ANP32A: variants seen among roughly 807,000 people sequenced by gnomAD.
The protein encoded by ANP32A is acidic leucine-rich nuclear phosphoprotein 32 family member A.
In ANP32A, 1 loss-of-function variant was observed where a neutral mutation model predicts 33.9. The observed-to-expected ratio is 0.03, with a 90% CI of 0.01 to 0.14. The LOEUF (loss-of-function observed/expected upper bound fraction) is 0.14. ANP32A is among the 10% of genes least tolerant of loss of function. ANP32A has a pLI of 1.00. For missense variants in ANP32A, 155 were observed against 306.0 expected, an observed-to-expected ratio of 0.51 and a Z score of 3.68; for synonymous variants, 115 against 120.5, an observed-to-expected ratio of 0.95 and a Z score of 0.30.
At chr15:68,790,750 C>G (rs959247910) in intron 1 of ANP32A, 1 of 152,130 alleles carries the variant, frequency 6.6e-6, no homozygotes, top group African/African-American at 2.4e-5. Flanking sequence ...TAGTGTTAGC[C>G]ACAAGATGAG....
intron 1 of ANP32A, among the ~76,000 whole-genome samples, chr15:68,819,496 G>A (rs1056215237): frequency 6.6e-6 from 1 of 152,240 alleles, no homozygotes; most frequent in Non-Finnish European, 1.5e-5. Context: ...CGGCTAGCGG[G>A]CAAACTCCCA....
chr15:68,787,731 C>G, intron 2 of ANP32A, 39 bp downstream of exon 2: 1 of 1,600,490 alleles, frequency 6.2e-7, no homozygotes, highest in South Asian at 1.1e-5. Flanking sequence ...CCACTCCCCA[C>G]CCCCGCCTCC....
At chr15:68,816,777 C>T (rs1333832125) in intron 1 of ANP32A, among the ~76,000 whole-genome samples, 4 of 152,114 alleles carry the variant, frequency 2.6e-5, no homozygotes, top group African/African-American at 9.7e-5. Context: ...GAATTCAAAC[C>T]CAGGTCTGTG....
chr15:68,815,620 G>A (rs1894370545), intron 1 of ANP32A, among the ~76,000 whole-genome samples: 1 of 152,142 alleles, frequency 6.6e-6, no homozygotes, highest in African/African-American at 2.4e-5. Context: ...CTGTGATTGG[G>A]GTGGAGCCCA....
intron 1 of ANP32A, chr15:68,790,293 T>G (rs994974111): frequency 3.9e-5 from 6 of 152,258 alleles, no homozygotes; most frequent in East Asian, 1.9e-4. Context: ...GAGGAGGGCC[T>G]CAGAGAGCAG....
intron 1 of ANP32A, among the ~76,000 whole-genome samples, chr15:68,802,167 C>T (rs1380322018): frequency 6.6e-6 from 1 of 151,944 alleles, no homozygotes; most frequent in Non-Finnish European, 1.5e-5. Context: ...TTCTCCTTTT[C>T]AATTTTTTGA....
chr15:68,784,587 T>C lies in ANP32A; in HGVS notation c.336A>G (p.Leu112=), dbSNP rs1893909372. 8 of 1,614,168 alleles carry C rather than the reference T, an allele frequency of 5.0e-6. No individual in the cohort carries two copies. The highest frequency in any genetic ancestry group is 6.8e-6 in the Non-Finnish European group (8 of 1,180,032). Residue 112 remains leucine, a synonymous_variant, in exon 4 of 7, where the codon TTA becomes TTG. Coordinates refer to ENST00000465139, the MANE Select transcript of ANP32A (RefSeq NM_006305.4). Reference sequence around the variant, plus strand: ...AAAGGTCTAAGCTCTTGAGGTTTTCTAACTTTTTCTGCAAGCGGAAAAATG... The same window carrying C: ...AAAGGTCTAAGCTCTTGAGGTTTTCCAACTTTTTCTGCAAGCGGAAAAATG... The part of the protein sequence containing the change: ...DLSTIEPLKK[L]ENLKSLDLFN...
At chr15:68,787,003 G>A (rs1049709251) in intron 3 of ANP32A, among the ~76,000 whole-genome samples, 1 of 152,196 alleles carries the variant, frequency 6.6e-6, no homozygotes, top group East Asian at 1.9e-4. Flanking sequence ...GCGACCCAAG[G>A]AGAAAACTGG....
chr15:68,806,012 A>G (rs1356916928), intron 1 of ANP32A, among the ~76,000 whole-genome samples: 1 of 152,228 alleles, frequency 6.6e-6, no homozygotes, highest in Non-Finnish European at 1.5e-5. Flanking sequence ...GCCAAGGGTC[A>G]ACCAGAAAGA....
chr15:68,805,880 G>A lies in ANP32A; in HGVS notation c.54+14818C>T, dbSNP rs114402051. 5.6e-3 allele frequency among the ~76,000 whole-genome samples: 850 copies of A among 152,272 alleles called. 13 individuals carry two copies. The highest frequency in any genetic ancestry group is 0.019 in the African/African-American group (804 of 41,548). On this transcript the variant is annotated intron_variant, in intron 1 of 6. Coordinates refer to ENST00000465139, the MANE Select transcript of ANP32A (RefSeq NM_006305.4). ...GGCTTACTACTGACTGTCTCCCCCA[G>A]CGGAACAGAAGCCCCACAAGAGCAG...
chr15:68,802,780 G>A lies in ANP32A; in HGVS notation c.55-14861C>T, dbSNP rs13329553. 5.4e-3 allele frequency among the ~76,000 whole-genome samples: 818 copies of A among 152,272 alleles called. 9 individuals are homozygous for A. The highest frequency in any genetic ancestry group is 0.019 in the African/African-American group (771 of 41,556). ...TGATTCTCCTGCCTCAGCCTCCCAA[G>A]TAGCTGGGATTACAGGTATGTGCCA... is the stretch of plus-strand genomic sequence containing the variant. On this transcript the variant is annotated intron_variant, in intron 1 of 6. Transcript: ENST00000465139.
intron 1 of ANP32A, among the ~76,000 whole-genome samples, chr15:68,814,281 C>T (rs2140374842): frequency 6.6e-6 from 1 of 152,116 alleles, no homozygotes; most frequent in South Asian, 2.1e-4. Flanking sequence ...AGAAGGGGGC[C>T]AGGCACGCTG....
intron 5 of ANP32A, chr15:68,781,065 C>T (rs1288786136): frequency 6.6e-6 from 1 of 152,530 alleles, no homozygotes; most frequent in African/African-American, 2.4e-5. Context: ...GCTTGAGATT[C>T]AGCAAGGTGT....
chr15:68,801,986 C>T (rs897301585), intron 1 of ANP32A: 2 of 153,356 alleles, frequency 1.3e-5, no homozygotes, highest in African/African-American at 2.4e-5. Context: ...ATTACCCTAG[C>T]ACAAGGTCAG....
rs1005193671 is a variant in ANP32A, at chr15:68,778,907, T to C, written c.*1174A>G. On this transcript the variant is annotated 3_prime_UTR_variant, in exon 7 of 7. Coordinates refer to ENST00000465139, the MANE Select transcript of ANP32A (RefSeq NM_006305.4). ...CTCAAAGAAGCCATCCCCAAAAAAA[T>C]TGTATAAAAAGATTTATTGAAATTT... 6.6e-6 allele frequency: 1 copy of C among 152,090 alleles called. No individual in the cohort carries two copies. The highest frequency in any genetic ancestry group is 2.4e-5 in the African/African-American group (1 of 41,398). 9.4% of individuals were successfully genotyped at this position (152,090 alleles called of 1,614,324 possible).
intron 1 of ANP32A, among the ~76,000 whole-genome samples, chr15:68,802,230 T>A (rs1894146508): frequency 6.6e-6 from 1 of 152,174 alleles, no homozygotes; most frequent in Admixed American, 6.5e-5. Context: ...GATATACAGT[T>A]AACTCTCCCT....
chr15:68,789,453 T>A (rs773592571), intron 1 of ANP32A: 2 of 152,318 alleles, frequency 1.3e-5, no homozygotes, highest in Non-Finnish European at 2.9e-5. Flanking sequence ...TCCTGCTCCT[T>A]TGAGCAGGCC....
intron 1 of ANP32A, among the ~76,000 whole-genome samples, chr15:68,793,387 G>A (rs1043490552): frequency 3.9e-5 from 6 of 152,122 alleles, no homozygotes; most frequent in African/African-American, 1.4e-4. Flanking sequence ...CTGAGAGGCA[G>A]GTCAGCTGTG....
chr15:68,780,187 C>A lies in ANP32A; in HGVS notation c.689-45G>T, dbSNP rs1217304940. The A allele has an allele frequency of 6.2e-7, 1 of 1,609,726 alleles. No homozygotes were observed. ...GCATTTAGATTAGTTATTAATCCCA[C>A]CTCTTTAACTCAACCCACCCAGTGA... is the stretch of plus-strand genomic sequence containing the variant. On this transcript the variant is annotated intron_variant, in intron 6 of 6. Coordinates refer to ENST00000465139, the MANE Select transcript of ANP32A (RefSeq NM_006305.4). This position sits in a 1 kb window ranked among gnomAD's most constrained non-coding sequence, Gnocchi z 4.3.
Sources: allele counts gnomAD v4.1 joint callset (sites outside exome capture counted in the v4.1 genomes callset), GRCh38; gene constraint gnomAD v4.1.1; non-coding constraint Gnocchi (gnomAD v3.1); transcripts MANE v1.5; gene names NCBI Gene and HGNC (gene_info 2026-07-23, HGNC 2026-07-21).